SYNE1: variants seen among roughly 807,000 people sequenced by gnomAD.
SYNE1 encodes spectrin repeat containing nuclear envelope protein 1.
Under a neutral mutation model 1,111.0 loss-of-function variants are expected in SYNE1, and 616 were observed. That is an observed-to-expected ratio of 0.55 (90% CI 0.52 to 0.59). The LOEUF (loss-of-function observed/expected upper bound fraction) is 0.59. SYNE1 is among the 20% of genes least tolerant of loss of function. The pLI, the probability that SYNE1 is intolerant of heterozygous loss-of-function variation, is 0.00. For synonymous variants in SYNE1, 3,855 were observed against 3,825.8 expected, an observed-to-expected ratio of 1.01 and a Z score of -0.28; for missense variants, 10,006 against 10,417.0, an observed-to-expected ratio of 0.96 and a Z score of 1.72.
intron 133 of SYNE1, 61 bp downstream of exon 133, chr6:152,154,831 A>C (rs2061087513): frequency 6.3e-7 from 1 of 1,596,668 alleles, no homozygotes; most frequent in Non-Finnish European, 8.6e-7. Context: ...TTGGAACTCC[A>C]ACTACCAGCT....
intron 39 of SYNE1, among the ~76,000 whole-genome samples, chr6:152,422,316 G>A (rs1317460247): frequency 2.0e-5 from 3 of 152,120 alleles, no homozygotes; most frequent in African/African-American, 4.8e-5. Flanking sequence ...ATCATATGTA[G>A]AGGCCCAGCC....
At chr6:152,277,476 T>A (rs2093726116) in intron 98 of SYNE1, 1 of 149,210 alleles carries the variant, frequency 6.7e-6, no homozygotes, top group African/African-American at 2.5e-5. Context: ...TTAGCAGAGA[T>A]GGGGTTTCAC....
chr6:152,157,159 C>T (rs1021646674), intron 131 of SYNE1, among the ~76,000 whole-genome samples: 2 of 151,974 alleles, frequency 1.3e-5, no homozygotes, highest in African/African-American at 4.8e-5. Flanking sequence ...GTTAATTCCA[C>T]CATCATTAAA....
chr6:152,152,373 T>C (rs1040414244), intron 133 of SYNE1, among the ~76,000 whole-genome samples: 1 of 152,046 alleles, frequency 6.6e-6, no homozygotes, highest in African/African-American at 2.4e-5. Context: ...GGAGTAGTAA[T>C]GAATAAACAC....
Position 152,359,285 on chromosome 6 carries a change from T to C in SYNE1, c.10443+30A>G, listed in dbSNP as rs2096891809. 1.9e-6 allele frequency: 3 copies of C among 1,612,796 alleles called. No individual in the cohort carries two copies. The African/African-American group carries it at 4.0e-5, about 22-fold the overall frequency. On this transcript the variant is annotated intron_variant, in intron 65 of 145. Transcript: ENST00000367255. ...ACAGCTCCAAACACTCCCCTTTTGG[T>C]GAGTCTACAAGGAAAGTGCTTTGCC...
intron 108 of SYNE1, 109 bp downstream of exon 108, chr6:152,239,424 G>C (rs1399569891): frequency 2.2e-6 from 3 of 1,334,934 alleles, no homozygotes; most frequent in Non-Finnish European, 3.2e-6. Flanking sequence ...AGCGCAGCTA[G>C]TTCTGAGGTT....
rs185041876 is a variant in SYNE1, at chr6:152,465,110, C to G, written c.1932+148G>C. 7.9e-5 allele frequency: 65 copies of G among 821,298 alleles called. No homozygotes were observed. In the East Asian group the frequency reaches 1.4e-3, roughly 18 times the overall value. The allele number at this position is 821,298 out of a possible 1,614,324, so 50.9% of individuals were successfully genotyped here. On this transcript the variant is annotated intron_variant, in intron 18 of 145. Coordinates refer to ENST00000367255, the MANE Select transcript of SYNE1 (RefSeq NM_182961.4). ...AAGCAGTGTATTTATTGGTCTGTTG[C>G]TAACCTGAAAGTGCAACTTTTCAGG... is the stretch of plus-strand genomic sequence containing the variant.
intron 121 of SYNE1, among the ~76,000 whole-genome samples, chr6:152,216,810 C>T (rs904836253): frequency 6.6e-6 from 1 of 152,168 alleles, no homozygotes; most frequent in Non-Finnish European, 1.5e-5. Context: ...AATCCCAGTG[C>T]TTTGGGAGGC....
chr6:152,473,361 A>C (rs1163106657), intron 14 of SYNE1, among the ~76,000 whole-genome samples: 1 of 152,230 alleles, frequency 6.6e-6, no homozygotes, highest in African/African-American at 2.4e-5. Flanking sequence ...AATTAGAGAA[A>C]TTAGTAGCAA....
chr6:152,273,527 G>C (rs1362183918), intron 98 of SYNE1, among the ~76,000 whole-genome samples: 1 of 152,074 alleles, frequency 6.6e-6, no homozygotes, highest in Middle Eastern at 3.2e-3. Context: ...AAAATTTAAG[G>C]CTCTTGCCCC....
Position 152,449,762 on chromosome 6 carries a change from T to C in SYNE1, c.3396-121A>G, listed in dbSNP as rs999420652. The C allele has an allele frequency of 7.3e-6, 6 of 825,794 alleles. No individual in the cohort carries two copies. In the Admixed American group the frequency reaches 1.3e-4, roughly 17 times the overall value. The allele number at this position is 825,794 out of a possible 1,614,324, so 51.2% of individuals were successfully genotyped here. A position where few individuals can be genotyped will look rare whatever the true frequency, so the allele number is the denominator to read the frequency against. On this transcript the variant is annotated intron_variant, in intron 27 of 145. Coordinates refer to ENST00000367255, the MANE Select transcript of SYNE1 (RefSeq NM_182961.4). ...ATTAAGTGATTACCAAATTGATTAA[T>C]AACTTTTCTGGAAACTATTCTTTTA...
intron 62 of SYNE1, chr6:152,366,985 C>A (rs1563410717): frequency 1.5e-6 from 1 of 687,264 alleles, no homozygotes; most frequent in Non-Finnish European, 2.7e-6. Flanking sequence ...AGTGATCACA[C>A]AAGTAATCAC....
At chr6:152,184,049 T>C (rs1242049328) in intron 128 of SYNE1, among the ~76,000 whole-genome samples, 1 of 152,216 alleles carries the variant, frequency 6.6e-6, no homozygotes, top group Non-Finnish European at 1.5e-5. Context: ...ATTAAACAAA[T>C]GTTTATTGTC....
At chr6:152,164,508 C>T (rs990468807) in intron 130 of SYNE1, among the ~76,000 whole-genome samples, 183 bp from the exon 131 acceptor site, 12 of 152,188 alleles carry the variant, frequency 7.9e-5, no homozygotes, top group African/African-American at 2.4e-4. Context: ...GACAAAGGAG[C>T]AAGGATGCAG....
At chr6:152,428,007 A>G (rs1318714972) in intron 37 of SYNE1, among the ~76,000 whole-genome samples, 191 bp from the exon 38 acceptor site, 1 of 152,280 alleles carries the variant, frequency 6.6e-6, no homozygotes, top group Non-Finnish European at 1.5e-5. Context: ...TTTATATTGG[A>G]TAATATGTAA....
At position 152,255,629 on chromosome 6, in the gene SYNE1, A is replaced by T; in HGVS notation, c.19222T>A (p.Leu6408Ile). The change falls in exon 103 of 146, where the codon TTA becomes ATA. Residue 6408 changes from leucine to isoleucine, a missense_variant. Transcript: ENST00000367255. ...AGACAAGTCTCTGTTTCTTCTGGTA[A>T]AAGTGCTGTGGCAACAAATAAACGT... ...EERLFVATAL[L>I]PEETETCLFN... 1 of 1,614,228 alleles carries T rather than the reference A, an allele frequency of 6.2e-7. No individual in the cohort carries two copies. Among genetic ancestry groups the T allele is most frequent in the Non-Finnish European group, 8.5e-7 (1 of 1,180,046 alleles).
In SYNE1 at chr6:152,189,369, C is replaced by T. The variant is rs763176021; in HGVS notation, c.23184G>A (p.Leu7728=). The change falls in exon 128 of 146, where the codon TTG becomes TTA. Residue 7728 remains leucine, a synonymous_variant. Coordinates refer to ENST00000367255, the MANE Select transcript of SYNE1 (RefSeq NM_182961.4). ...TGTCCTTCAGCAGGCTCAACTGGGT[C>T]AAGTCATCTGTCCAGCTCCCAACTG... is the stretch of plus-strand genomic sequence containing the variant. The part of the protein sequence containing the change: ...ENAVGSWTDD[L]TQLSLLKDTL... The T allele has an allele frequency of 6.2e-7, 1 of 1,614,058 alleles. No individual in the cohort carries two copies. The highest frequency in any genetic ancestry group is 8.5e-7 in the Non-Finnish European group (1 of 1,179,974).
At chr6:152,614,305 A>G (rs1486084090) in intron 3 of SYNE1, among the ~76,000 whole-genome samples, 1 of 152,228 alleles carries the variant, frequency 6.6e-6, no homozygotes, top group African/African-American at 2.4e-5. Flanking sequence ...AAACAACCCC[A>G]TCAAAAAGTG....
Position 152,316,873 on chromosome 6 carries a change from A to G in SYNE1, c.16686T>C (p.Leu5562=). 2 of 1,614,174 alleles carry G rather than the reference A, an allele frequency of 1.2e-6. No individual in the cohort carries two copies. The highest frequency in any genetic ancestry group is 1.7e-6 in the Non-Finnish European group (2 of 1,180,028). The change falls in exon 87 of 146, where the codon CTT becomes CTC. Residue 5562 remains leucine, a synonymous_variant. Coordinates refer to ENST00000367255, the MANE Select transcript of SYNE1 (RefSeq NM_182961.4). ...CCTGATGCAAAATATATTGTTCCCG[A>G]AGCTGGCTTGCAGAATTCCATGCAA... The part of the protein sequence containing the change: ...GTIAWNSASQ[L]REQYILHQTL...
Sources: gnomAD v4.1 joint callset for allele counts (sites outside exome capture counted in the v4.1 genomes callset) on GRCh38, gnomAD v4.1.1 for gene constraint, MANE v1.5 for transcripts, NCBI Gene and HGNC (gene_info 2026-07-23, HGNC 2026-07-21) for gene names.